Variants in PRKCA observed in about 807,000 individuals in gnomAD.
PRKCA encodes protein kinase C alpha type.
A neutral mutation model predicts 87.0 loss-of-function variants in PRKCA; 27 were observed. The ratio of observed to expected loss-of-function variants is 0.31; its 90% CI spans 0.23 to 0.43. The LOEUF is 0.43. Ranked by LOEUF, PRKCA falls within the 20% of genes least tolerant of loss-of-function variation. The probability of loss-of-function intolerance (pLI) is 1.00; values close to 1 mark genes in which losing one functional copy is unlikely to be tolerated. For missense variants in PRKCA, 518 were observed against 852.3 expected, an observed-to-expected ratio of 0.61 and a Z score of 4.88; for synonymous variants, 329 against 311.1, an observed-to-expected ratio of 1.06 and a Z score of -0.61.
chr17:66,707,929 C>T (rs1467598978), intron 8 of PRKCA, among the ~76,000 whole-genome samples: 1 of 152,162 alleles, frequency 6.6e-6, no homozygotes, highest in Non-Finnish European at 1.5e-5. Flanking sequence ...GATTATGGCT[C>T]GCCTGATGTA....
At chr17:66,793,219 G>A (rs2076921631) in intron 16 of PRKCA, among the ~76,000 whole-genome samples, 1 of 152,036 alleles carries the variant, frequency 6.6e-6, no homozygotes, top group Non-Finnish European at 1.5e-5. Flanking sequence ...AGGACCGTCA[G>A]CTCAGTGAGG....
At chr17:66,481,496 C>G (rs1273683194) in intron 2 of PRKCA, among the ~76,000 whole-genome samples, 1 of 152,128 alleles carries the variant, frequency 6.6e-6, no homozygotes, top group Non-Finnish European at 1.5e-5. Context: ...CTTCCTCCTT[C>G]CTGAAACGTT....
chr17:66,802,437 A>T (rs943761955), intron 16 of PRKCA, among the ~76,000 whole-genome samples: 1 of 151,958 alleles, frequency 6.6e-6, no homozygotes, highest in Non-Finnish European at 1.5e-5. Context: ...AGGCAGGAGA[A>T]TCACTTGAAC....
chr17:66,321,583 G>A (rs546159119), intron 2 of PRKCA, among the ~76,000 whole-genome samples: 258 of 152,112 alleles, frequency 1.7e-3, no homozygotes, highest in Non-Finnish European at 2.6e-3. Context: ...TTGCTCTGTC[G>A]TCTATGCTGG....
chr17:66,603,926 TAGTCACATGTGTCAGAATTTTATTC>T (rs1377593986), intron 3 of PRKCA, among the ~76,000 whole-genome samples: 5 of 152,222 alleles, frequency 3.3e-5, no homozygotes, highest in African/African-American at 1.2e-4. Flanking sequence ...TTCATTCATG[TAGTCACATGTGTCAGAATTTTATTC>T]AGTTTTAAGA....
chr17:66,469,644 C>T (rs939164803), intron 2 of PRKCA, among the ~76,000 whole-genome samples: 7 of 152,214 alleles, frequency 4.6e-5, no homozygotes, highest in African/African-American at 1.7e-4. Context: ...TTATCTTCCT[C>T]CCTAGCACAT....
chr17:66,557,038 A>G (rs1424213777), intron 3 of PRKCA, among the ~76,000 whole-genome samples: 2 of 152,182 alleles, frequency 1.3e-5, no homozygotes, highest in East Asian at 3.8e-4. Flanking sequence ...AGATGGTTTC[A>G]TGAAGTTTTG....
At chr17:66,589,157 A>T (rs1172364027) in intron 3 of PRKCA, among the ~76,000 whole-genome samples, 7 of 152,086 alleles carry the variant, frequency 4.6e-5, no homozygotes, top group Admixed American at 1.3e-4. Flanking sequence ...TAGCTTCTTG[A>T]CACCTACCAG....
chr17:66,492,960 A>G (rs1389293517), intron 2 of PRKCA, among the ~76,000 whole-genome samples: 1 of 152,232 alleles, frequency 6.6e-6, no homozygotes, highest in Non-Finnish European at 1.5e-5. Flanking sequence ...GGCAGCCAGC[A>G]GGATCCCTCA....
rs780171223 is a variant in PRKCA at position 66,302,819 on chromosome 17, C to G, written c.-33C>G. On this transcript the variant is annotated 5_prime_UTR_variant, in exon 1 of 17. Coordinates refer to ENST00000413366, the MANE Select transcript of PRKCA (RefSeq NM_002737.3). ...ACCCGGCCCTCCGCGGCCGCAGCTC[C>G]CCGGCGGAGGCAAGAGGTGGTTGGG... 6.7e-7 allele frequency: 1 copy of G among 1,500,974 alleles called. No homozygotes were observed. The highest frequency in any genetic ancestry group is 8.9e-7 in the Non-Finnish European group (1 of 1,120,950). 93.0% of individuals were successfully genotyped at this position (1,500,974 alleles called of 1,614,324 possible).
At chr17:66,798,698 ATGG>A (rs1975768742) in intron 16 of PRKCA, among the ~76,000 whole-genome samples, 1 of 972 alleles carries the variant, frequency 1.0e-3, no homozygotes, top group African/African-American at 0.012. Flanking sequence ...GGTGATGGTG[ATGG>A]TGGTGGTGAT....
intron 13 of PRKCA, among the ~76,000 whole-genome samples, chr17:66,765,535 T>C (rs1004814559): frequency 1.4e-5 from 2 of 145,988 alleles, no homozygotes; most frequent in Non-Finnish European, 3.0e-5. Flanking sequence ...TATATATATA[T>C]GTCTTTATAT....
intron 2 of PRKCA, among the ~76,000 whole-genome samples, chr17:66,318,528 G>A (rs541461269): frequency 3.1e-4 from 47 of 152,162 alleles, no homozygotes; most frequent in African/African-American, 1.1e-3. Flanking sequence ...CTGAGTTGTC[G>A]GGCTGGAGCG....
chr17:66,524,789 G>T (rs1350099742), intron 3 of PRKCA, among the ~76,000 whole-genome samples: 3 of 152,130 alleles, frequency 2.0e-5, no homozygotes, highest in African/African-American at 7.2e-5. Flanking sequence ...TCTGTGACAG[G>T]TATCTGGGTC....
At chr17:66,625,718 C>G (rs186798084) in intron 3 of PRKCA, among the ~76,000 whole-genome samples, 2 of 152,154 alleles carry the variant, frequency 1.3e-5, no homozygotes, top group East Asian at 1.9e-4. Flanking sequence ...CCAGAAGAAG[C>G]CTTATTGCCC....
intron 2 of PRKCA, among the ~76,000 whole-genome samples, chr17:66,403,144 G>T (rs952672143): frequency 3.3e-5 from 5 of 152,170 alleles, no homozygotes; most frequent in African/African-American, 1.2e-4. Context: ...TTAAATGATA[G>T]CATGCCCTCC....
At chr17:66,401,614 G>T (rs1911035905) in intron 2 of PRKCA, among the ~76,000 whole-genome samples, 1 of 152,164 alleles carries the variant, frequency 6.6e-6, no homozygotes, top group Non-Finnish European at 1.5e-5. Context: ...TTAGGTAAGA[G>T]GTTTTTGTGA....
intron 3 of PRKCA, among the ~76,000 whole-genome samples, chr17:66,516,251 G>A (rs925962882): frequency 6.6e-6 from 1 of 152,112 alleles, no homozygotes; most frequent in African/African-American, 2.4e-5. Flanking sequence ...TCAAGAAACT[G>A]GTATTACCAG....
At chr17:66,561,807 A>G (rs73340582) in intron 3 of PRKCA, among the ~76,000 whole-genome samples, 27,883 of 151,882 alleles carry the variant, frequency 0.18, 3,061 homozygotes, top group African/African-American at 0.3. Context: ...AAGCCATTCA[A>G]AAAAGGACAG....
Sources: allele counts gnomAD v4.1 joint callset (sites outside exome capture counted in the v4.1 genomes callset), GRCh38; gene constraint gnomAD v4.1.1; transcripts MANE v1.5; gene names NCBI Gene and HGNC (gene_info 2026-07-23, HGNC 2026-07-21).